The following CSMD3 variants were observed in gnomAD, a reference collection of about 807,000 sequenced individuals.
CSMD3 encodes CUB and Sushi multiple domains 3.
A neutral mutation model predicts 435.2 loss-of-function variants in CSMD3; 177 were observed. That is an observed-to-expected ratio of 0.41 (90% CI 0.36 to 0.46). The LOEUF (loss-of-function observed/expected upper bound fraction) is 0.46. Ranked by LOEUF, CSMD3 falls within the 20% of genes least tolerant of loss-of-function variation. The pLI, the probability that CSMD3 is intolerant of heterozygous loss-of-function variation, is 0.34. For missense variants in CSMD3, 4,265 were observed against 4,504.6 expected (o/e 0.95, Z 1.52); for synonymous variants, 1,656 against 1,520.5 (o/e 1.09, Z -2.07).
At chr8:112,825,705 T>C (rs2079657946) in intron 12 of CSMD3, among the ~76,000 whole-genome samples, 2 of 152,208 alleles carry the variant, frequency 1.3e-5, no homozygotes, top group Admixed American at 1.3e-4. Flanking sequence ...TGGGTGTCTG[T>C]TCCTTCCTCT....
intron 5 of CSMD3, among the ~76,000 whole-genome samples, chr8:113,073,373 T>G (rs987833958): frequency 3.3e-5 from 5 of 151,744 alleles, no homozygotes; most frequent in African/African-American, 1.2e-4. Context: ...ATAAAAAGAG[T>G]AGGTTTCCTT....
chr8:113,305,640 T>A (rs1443181705), intron 2 of CSMD3, among the ~76,000 whole-genome samples: 1 of 152,240 alleles, frequency 6.6e-6, no homozygotes, highest in Non-Finnish European at 1.5e-5. Context: ...ATGCCTGGTA[T>A]AAACAATAAA....
rs189095377 is a variant in CSMD3, at chr8:112,240,833, A to G, written c.10468+887T>C. 4.7e-3 allele frequency among the ~76,000 whole-genome samples: 715 copies of G among 152,136 alleles called. 2 individuals carry two copies. The highest frequency in any genetic ancestry group is 8.4e-3 in the Non-Finnish European group (574 of 67,978). The stretch of plus-strand genomic sequence containing the variant: ...TCTCTTGGTAGTAAATAAGTCTCAC[A>G]AGATCTGGTGGTTTTATCAGGGGCT... On this transcript the variant is annotated intron_variant, in intron 66 of 70. Transcript: ENST00000297405.
chr8:112,503,757 A>C (rs768923164), intron 30 of CSMD3, 33 bp downstream of exon 30: 4 of 1,469,994 alleles, frequency 2.7e-6, no homozygotes, highest in South Asian at 2.3e-5. Context: ...TATAATTTAA[A>C]TCATGATACT....
chr8:112,849,410 T>C (rs977080872), intron 11 of CSMD3, among the ~76,000 whole-genome samples: 1 of 152,042 alleles, frequency 6.6e-6, no homozygotes, highest in Non-Finnish European at 1.5e-5. Flanking sequence ...TTACATTATA[T>C]GGAAGAATTG....
chr8:113,371,186 A>G (rs2094344245), intron 1 of CSMD3, among the ~76,000 whole-genome samples: 1 of 152,044 alleles, frequency 6.6e-6, no homozygotes, highest in Non-Finnish European at 1.5e-5. Context: ...TTGCTTACAT[A>G]TTTGTCTTCT....
At chr8:113,243,864 T>C (rs935920255) in intron 3 of CSMD3, among the ~76,000 whole-genome samples, 5 of 152,174 alleles carry the variant, frequency 3.3e-5, no homozygotes, top group South Asian at 2.1e-4. Context: ...ACTAATGATG[T>C]TGAACATGTT....
In CSMD3 at chr8:113,153,969, A is replaced by G. The variant is rs1046554013; in HGVS notation, c.709+19753T>C. On this transcript the variant is annotated intron_variant, in intron 4 of 70. Coordinates refer to ENST00000297405, the MANE Select transcript of CSMD3 (RefSeq NM_198123.2). The stretch of plus-strand genomic sequence containing the variant: ...ATGAGTCAGTTATCACACTGATTAT[A>G]TTCTGAAATAGATATCAATTTCAAA... Among the ~76,000 whole-genome samples the G allele has an allele frequency of 2.6e-5, 4 of 152,176 alleles. No individual in the cohort carries two copies. The South Asian group carries it at 6.2e-4, about 24-fold the overall frequency.
intron 15 of CSMD3, among the ~76,000 whole-genome samples, chr8:112,682,851 A>C (rs2075932251): frequency 6.6e-6 from 1 of 152,112 alleles, no homozygotes; most frequent in African/African-American, 2.4e-5. Flanking sequence ...ATGTTTTAAA[A>C]TGTGAATTAC....
At chr8:113,410,010 C>T (rs1228745351) in intron 1 of CSMD3, among the ~76,000 whole-genome samples, 2 of 152,044 alleles carry the variant, frequency 1.3e-5, no homozygotes, top group South Asian at 4.1e-4. Context: ...TTTCCATAGA[C>T]GAATACCTTT....
At chr8:113,108,230 C>T (rs749954604) in intron 4 of CSMD3, among the ~76,000 whole-genome samples, 4 of 151,972 alleles carry the variant, frequency 2.6e-5, no homozygotes, top group Non-Finnish European at 5.9e-5. Context: ...GAGATTGAGA[C>T]CATCCTGGAC....
chr8:113,015,983 C>T (rs924131929), intron 6 of CSMD3, among the ~76,000 whole-genome samples: 1 of 151,728 alleles, frequency 6.6e-6, no homozygotes, highest in South Asian at 2.1e-4. Flanking sequence ...GTTAATGGAA[C>T]TTGAATGGAG....
chr8:112,775,051 C>A (rs2078211381), intron 13 of CSMD3, among the ~76,000 whole-genome samples: 1 of 151,726 alleles, frequency 6.6e-6, no homozygotes, highest in African/African-American at 2.4e-5. Flanking sequence ...TGTAAGATGC[C>A]CACCACTTAT....
intron 13 of CSMD3, among the ~76,000 whole-genome samples, chr8:112,766,920 C>G (rs936403578): frequency 1.3e-5 from 2 of 151,762 alleles, no homozygotes; most frequent in East Asian, 1.9e-4. Context: ...GGATAGCAAA[C>G]CTCTGAAACA....
chr8:112,268,224 G>A (rs1161554559), intron 59 of CSMD3, among the ~76,000 whole-genome samples: 1 of 152,062 alleles, frequency 6.6e-6, no homozygotes, highest in Non-Finnish European at 1.5e-5. Context: ...ATAAATAAAT[G>A]AATGAGTACA....
chr8:113,135,554 T>C (rs2091397000), intron 4 of CSMD3, among the ~76,000 whole-genome samples: 1 of 151,900 alleles, frequency 6.6e-6, no homozygotes, highest in Admixed American at 6.6e-5. Flanking sequence ...TAAGAAGAAT[T>C]AGATGCTACC....
At chr8:112,806,301 G>A (rs957532760) in intron 12 of CSMD3, among the ~76,000 whole-genome samples, 17 of 152,074 alleles carry the variant, frequency 1.1e-4, no homozygotes, top group South Asian at 4.1e-4. Context: ...AAAATAAAGC[G>A]GCTACTTTTG....
Position 113,308,565 on chromosome 8 carries a change from G to A in CSMD3, c.401+6006C>T, listed in dbSNP as rs762832517. On this transcript the variant is annotated intron_variant, in intron 2 of 70. Coordinates refer to ENST00000297405, the MANE Select transcript of CSMD3 (RefSeq NM_198123.2). ...TTACAGGCGTGAGCCACCGCGCCCT[G>A]CCCATTTAAGCTTTCTTATGTATAC... 2.0e-5 allele frequency among the ~76,000 whole-genome samples: 3 copies of A among 151,976 alleles called. No homozygotes were observed. The South Asian group carries it at 6.2e-4, about 31-fold the overall frequency.
chr8:113,205,767 C>T (rs1200109261), intron 3 of CSMD3, among the ~76,000 whole-genome samples: 1 of 152,144 alleles, frequency 6.6e-6, no homozygotes, highest in East Asian at 1.9e-4. Flanking sequence ...GAAACAACTA[C>T]ATACATTAAT....
Sources: gnomAD v4.1 joint callset for allele counts (sites outside exome capture counted in the v4.1 genomes callset) on GRCh38, gnomAD v4.1.1 for gene constraint, MANE v1.5 for transcripts, NCBI Gene and HGNC (gene_info 2026-07-23, HGNC 2026-07-21) for gene names.